POLA1: variants seen among roughly 807,000 people sequenced by gnomAD.
The protein encoded by POLA1 is DNA polymerase alpha 1, catalytic subunit, also known as DNA polymerase alpha catalytic subunit.
Under a neutral mutation model 124.0 loss-of-function variants are expected in POLA1, and 15 were observed. That is an observed-to-expected ratio of 0.12 (90% confidence interval 0.08 to 0.19). The LOEUF is 0.19. POLA1 is among the 10% of genes least tolerant of loss of function. The pLI, the probability that POLA1 is intolerant of heterozygous loss-of-function variation, is 1.00. For synonymous variants in POLA1, 408 were observed against 389.4 expected, an observed-to-expected ratio of 1.05 and a Z score of -0.56; for missense variants, 886 against 1,103.4, an observed-to-expected ratio of 0.80 and a Z score of 2.79.
At position 24,952,823 on chromosome X, in the gene POLA1, A is replaced by G. The variant is rs912493725; in HGVS notation, c.4261+22274A>G. ...TTAAAAGTTGGAAAAAAAATTCTAGAAATCATACCATTTTTATTTCTGTCC... is the reference window on the plus strand; with the variant it reads ...TTAAAAGTTGGAAAAAAAATTCTAGGAATCATACCATTTTTATTTCTGTCC... On this transcript the variant is annotated intron_variant, in intron 36 of 36. Coordinates refer to ENST00000379068, the MANE Select transcript of POLA1 (RefSeq NM_001330360.2). 3.6e-5 allele frequency among the ~76,000 whole-genome samples: 4 copies of G among 112,220 alleles called. No individual in the cohort carries two copies. The Admixed American group carries it at 3.8e-4, about 11-fold the overall frequency.
chrX:24,769,501 G>A (rs1165271408), intron 26 of POLA1, among the ~76,000 whole-genome samples: 1 of 111,534 alleles, frequency 9.0e-6, no homozygotes, highest in African/African-American at 3.3e-5. Flanking sequence ...AGAGTCAGGA[G>A]GTTGGTCATC....
chrX:24,698,618 C>G (rs1289367738), intron 1 of POLA1, among the ~76,000 whole-genome samples: 1 of 111,438 alleles, frequency 9.0e-6, no homozygotes, highest in Non-Finnish European at 1.9e-5. Context: ...GAGACCATGT[C>G]TTTTTTATCT....
At chrX:24,906,138 C>T (rs753957168) in intron 35 of POLA1, among the ~76,000 whole-genome samples, 17 of 112,063 alleles carry the variant, frequency 1.5e-4, no homozygotes, top group African/African-American at 5.5e-4. Context: ...CCATTTGAAC[C>T]AGCAATCCCA....
chrX:24,902,012 A>G (rs1569355633), intron 35 of POLA1, among the ~76,000 whole-genome samples: 1 of 111,157 alleles, frequency 9.0e-6, no homozygotes. Context: ...GTGCACACAC[A>G]CACACACACA....
chrX:24,717,971 T>C (rs1342579280), intron 10 of POLA1, among the ~76,000 whole-genome samples: 2 of 111,193 alleles, frequency 1.8e-5, no homozygotes, highest in Non-Finnish European at 3.8e-5. Flanking sequence ...AGAGCGACAC[T>C]CATTCATTGT....
At chrX:24,851,819 A>G (rs965273467) in intron 34 of POLA1, among the ~76,000 whole-genome samples, 1 of 112,954 alleles carries the variant, frequency 8.9e-6, no homozygotes, top group African/African-American at 3.2e-5. Flanking sequence ...AACTCCAGTC[A>G]TCTAGAGCTA....
chrX:24,814,077 T>C (rs1389124342), intron 29 of POLA1, among the ~76,000 whole-genome samples: 1 of 111,880 alleles, frequency 8.9e-6, no homozygotes, highest in African/African-American at 3.3e-5. Flanking sequence ...TGTGAGCCTT[T>C]TACCAAATGT....
chrX:24,864,935 T>C, intron 34 of POLA1, among the ~76,000 whole-genome samples: 1 of 112,244 alleles, frequency 8.9e-6, no homozygotes, highest in Middle Eastern at 4.6e-3. Context: ...TTTTTACGTA[T>C]GTACGTTTTT....
At chrX:24,800,883 A>G (rs948157351) in intron 26 of POLA1, among the ~76,000 whole-genome samples, 4 of 112,178 alleles carry the variant, frequency 3.6e-5, no homozygotes, top group African/African-American at 1.3e-4. Context: ...GGATCAAAAT[A>G]ATAGCCCTGT....
chrX:24,852,323 TC>T (rs2046574572), intron 34 of POLA1, among the ~76,000 whole-genome samples: 1 of 110,347 alleles, frequency 9.1e-6, no homozygotes. Flanking sequence ...TTTTTTTTTT[TC>T]TTTGAGACAG....
chrX:24,801,515 G>A (rs941018938), intron 26 of POLA1, among the ~76,000 whole-genome samples: 1 of 111,799 alleles, frequency 8.9e-6, no homozygotes, highest in East Asian at 2.8e-4. Flanking sequence ...TTGTAAGAGA[G>A]TGGTGTGTTG....
intron 4 of POLA1, among the ~76,000 whole-genome samples, chrX:24,713,449 G>C (rs1233711599): frequency 1.8e-5 from 2 of 111,021 alleles, no homozygotes; most frequent in African/African-American, 6.6e-5. Context: ...ACAGAGTCTT[G>C]CTCTGTTGCC....
At chrX:24,892,085 G>A (rs1186644887) in intron 35 of POLA1, among the ~76,000 whole-genome samples, 1 of 110,982 alleles carries the variant, frequency 9.0e-6, no homozygotes, top group East Asian at 2.8e-4. Flanking sequence ...GAAGAAAGCC[G>A]GGACAGTTTT....
chrX:24,991,919 T>C (rs565330095), intron 36 of POLA1, among the ~76,000 whole-genome samples: 1 of 112,558 alleles, frequency 8.9e-6, no homozygotes, highest in South Asian at 3.7e-4. Flanking sequence ...GGCTAATTGA[T>C]AGACACATTG....
chrX:24,885,732 G>T (rs1440860596), intron 34 of POLA1, among the ~76,000 whole-genome samples: 1 of 111,455 alleles, frequency 9.0e-6, no homozygotes, highest in Admixed American at 9.5e-5. Context: ...CACCGTGTTA[G>T]CCAGGATGGT....
intron 4 of POLA1, among the ~76,000 whole-genome samples, chrX:24,704,839 T>C (rs1928691496): frequency 8.9e-6 from 1 of 112,336 alleles, no homozygotes; most frequent in African/African-American, 3.2e-5. Flanking sequence ...TTGCTAATTG[T>C]ATAGCACAAT....
At chrX:24,725,917 T>C in intron 12 of POLA1, 64 bp from the exon 13 acceptor site, 1 of 690,059 alleles carries the variant, frequency 1.4e-6, no homozygotes, top group Non-Finnish European at 2.3e-6. Flanking sequence ...GAGCATGTAT[T>C]GTAATACTGG....
chrX:24,922,526 G>A (rs2047633602), intron 35 of POLA1, among the ~76,000 whole-genome samples: 1 of 111,667 alleles, frequency 9.0e-6, no homozygotes, highest in Non-Finnish European at 1.9e-5. Flanking sequence ...GGGTCTTAAA[G>A]GTCTTAAAAG....
At chrX:24,741,881 AAGC>A (rs1300072051) in intron 21 of POLA1, 118 bp from the exon 22 acceptor site, 8 of 512,238 alleles carry the variant, frequency 1.6e-5, no homozygotes, top group African/African-American at 1.5e-4. Context: ...TTTAAAAAAA[AAGC>A]AGACCGTTAT....
Sources: gnomAD v4.1 joint callset for allele counts (sites outside exome capture counted in the v4.1 genomes callset) on GRCh38, gnomAD v4.1.1 for gene constraint, MANE v1.5 for transcripts, NCBI Gene and HGNC (gene_info 2026-07-23, HGNC 2026-07-21) for gene names.